The following METTL2A variants were observed in gnomAD, a reference collection of about 807,000 sequenced individuals.
METTL2A encodes tRNA N(3)-cytidine methyltransferase METTL2A.
METTL2A carries 45 observed loss-of-function variants against 49.4 expected under a neutral mutation model. The ratio of observed to expected loss-of-function variants is 0.91; its 90% CI spans 0.72 to 1.17. The LOEUF is 1.17. Among genes scored for constraint, METTL2A ranks in the 50% most tolerant of loss-of-function variants. The pLI, the probability that METTL2A is intolerant of heterozygous loss-of-function variation, is 0.00. For synonymous variants in METTL2A, 118 were observed against 167.5 expected (o/e 0.70, Z 2.28); for missense variants, 361 against 462.2 (o/e 0.78, Z 2.01).
rs1443633899 is a variant in METTL2A at position 62,450,936 on chromosome 17, A to G, written c.*2207A>G. The G allele has an allele frequency of 6.6e-6, 1 of 152,208 alleles. No homozygotes were observed. The highest frequency in any genetic ancestry group is 2.4e-5 in the African/African-American group (1 of 41,452). 9.4% of individuals were successfully genotyped at this position (152,208 alleles called of 1,614,324 possible). On this transcript the variant is annotated 3_prime_UTR_variant, in exon 9 of 9. Transcript: ENST00000311506. The stretch of plus-strand genomic sequence containing the variant: ...CATTTTTTTCTGATGTCCCAACATC[A>G]CCAAATGTATCCATCACAAGTAGGA...
intron 5 of METTL2A, among the ~76,000 whole-genome samples, chr17:62,437,339 G>A (rs1160390576): frequency 6.6e-6 from 1 of 151,866 alleles, no homozygotes; most frequent in Non-Finnish European, 1.5e-5. Flanking sequence ...AGAACCTAAG[G>A]GCACAAAATA....
At position 62,447,907 on chromosome 17, in the gene METTL2A, C is replaced by T. The variant is rs564670586; in HGVS notation, c.982+141C>T. On this transcript the variant is annotated intron_variant, in intron 8 of 8. Transcript: ENST00000311506. The stretch of plus-strand genomic sequence containing the variant: ...CCTGCGGTTCCCTGCTGCTCACACC[C>T]TCTTCCACCCTGGGCTAGGCTACCC... The T allele has an allele frequency of 5.4e-5, 82 of 1,531,790 alleles. No individual in the cohort carries two copies. In the African/African-American group the frequency reaches 9.2e-4, roughly 17 times the overall value. 94.9% of individuals were successfully genotyped at this position (1,531,790 alleles called of 1,614,324 possible). A position where few individuals can be genotyped will look rare whatever the true frequency, so the allele number is the denominator to read the frequency against.
chr17:62,444,863 G>T lies in METTL2A; in HGVS notation c.836G>T (p.Ser279Ile). 6.2e-7 allele frequency: 1 copy of T among 1,613,988 alleles called. No homozygotes were observed. The highest frequency in any genetic ancestry group is 8.5e-7 in the Non-Finnish European group (1 of 1,179,938). ...DKMQKAINRL[S>I]RLLKPGGMML... ...ATGCAGAAGGCTATCAACAGGCTGA[G>T]CAGGCTTCTGAAACCTGGCGGGATG... is the stretch of plus-strand genomic sequence containing the variant. The change falls in exon 7 of 9, where the codon AGC becomes ATC. Residue 279 changes from serine to isoleucine, a missense_variant. Ser to Ile is a moderately radical substitution (Grantham distance 142). Transcript: ENST00000311506.
chr17:62,439,029 A>G (rs2070720309), intron 5 of METTL2A, among the ~76,000 whole-genome samples: 1 of 129,510 alleles, frequency 7.7e-6, no homozygotes, highest in South Asian at 2.5e-4. Context: ...CCCAGGCTGG[A>G]GTGCAGTGGC....
chr17:62,433,696 C>T (rs1431134934), intron 4 of METTL2A, among the ~76,000 whole-genome samples: 12 of 150,418 alleles, frequency 8.0e-5, no homozygotes, highest in Non-Finnish European at 1.2e-4. Context: ...GCTGAGATTG[C>T]GCCACTGTAC....
Position 62,444,899 on chromosome 17 carries a change from G to A in METTL2A, c.872G>A (p.Arg291Gln), listed in dbSNP as rs1469774140. ...AAACCTGGCGGGATGATGCTTCTGCGAGATTACGGCCGCTATGACATGGCT... is the reference window on the plus strand; with the variant it reads ...AAACCTGGCGGGATGATGCTTCTGCAAGATTACGGCCGCTATGACATGGCT... ...LLKPGGMMLL[R>Q]DYGRYDMAQL... is the part of the protein sequence containing the mutation. Residue 291 changes from arginine to glutamine, a missense_variant, in exon 7 of 9, where the codon CGA (arginine) becomes CAA (glutamine). Physicochemically the swap from Arg to Gln is conservative, Grantham distance 43. This residue lies in a region of METTL2A where 183 missense variants were observed against 216.5 expected (regional missense o/e 0.85). Transcript: ENST00000311506. 5.6e-6 allele frequency: 9 copies of A among 1,613,882 alleles called. No individual in the cohort carries two copies. Among genetic ancestry groups the A allele is most frequent in the Admixed American group, 1.7e-5 (1 of 59,958 alleles).
In METTL2A at chr17:62,440,845, G is replaced by C. The variant is rs139172395; in HGVS notation, c.809+89G>C. 2.9e-4 allele frequency: 443 copies of C among 1,513,782 alleles called. 1 individual carries two copies. The African/African-American group carries it at 5.4e-3, about 19-fold the overall frequency. 93.8% of individuals were successfully genotyped at this position (1,513,782 alleles called of 1,614,324 possible). A position where few individuals can be genotyped will look rare whatever the true frequency, so the allele number is the denominator to read the frequency against. On this transcript the variant is annotated intron_variant, in intron 6 of 8. Transcript: ENST00000311506. ...TTTAAAATAGGTTCTTGCTCTGTCA[G>C]CCCAGGCTGGAGTGCAGTGGCACGA...
intron 2 of METTL2A, among the ~76,000 whole-genome samples, chr17:62,425,442 A>C (rs2144133019): frequency 7.2e-6 from 1 of 139,644 alleles, no homozygotes; most frequent in African/African-American, 2.7e-5. Flanking sequence ...GCTGGAGTGC[A>C]GTGGCACGAT....
Position 62,425,389 on chromosome 17 carries a change from C to CT in METTL2A, c.203-895dup, listed in dbSNP as rs746253160. On this transcript the variant is annotated intron_variant, in intron 2 of 8. Coordinates refer to ENST00000311506, the MANE Select transcript of METTL2A (RefSeq NM_181725.4). ...ACAGCCTTCATTTAAACTGTCCATA[C>CT]TTTTTTTTTTTTTTTGGAGATGGAG... 9.7e-4 allele frequency among the ~76,000 whole-genome samples: 76 copies of CT among 78,216 alleles called. 5 individuals carry two copies. The South Asian group carries it at 0.021, about 21-fold the overall frequency. 51.3% of individuals were successfully genotyped at this position (78,216 alleles called of 152,430 possible).
chr17:62,446,379 C>T lies in METTL2A; in HGVS notation c.917-1322C>T, dbSNP rs1228914773. On this transcript the variant is annotated intron_variant, in intron 7 of 8. Transcript: ENST00000311506. ...AGGCTGGAGTGCAATGGCACGATCTCGGCTCACTGCAACCTCTGTCTCTTG... is the reference window on the plus strand; with the variant it reads ...AGGCTGGAGTGCAATGGCACGATCTTGGCTCACTGCAACCTCTGTCTCTTG... 2.6e-5 allele frequency among the ~76,000 whole-genome samples: 4 copies of T among 152,008 alleles called. No individual in the cohort carries two copies. The South Asian group carries it at 6.2e-4, about 24-fold the overall frequency.
rs772970941 is a variant in METTL2A, at chr17:62,448,705, G to A, written c.1113G>A (p.Lys371=). The change falls in exon 9 of 9, where the codon AAG becomes AAA. Residue 371 remains lysine (K), a synonymous_variant. Transcript: ENST00000311506. ...TTTGGATTCAGTGCAAATACTGCAA[G>A]CCCCTTCTGTCCAGCACCAGCTGAG... The part of the protein sequence containing the change: ...YRVWIQCKYC[K]PLLSSTS 2.5e-6 allele frequency: 4 copies of A among 1,614,056 alleles called. No individual in the cohort carries two copies. Among genetic ancestry groups the A allele is most frequent in the African/African-American group, 2.7e-5 (2 of 74,920 alleles).
At chr17:62,435,533 C>T (rs2070694978) in intron 5 of METTL2A, among the ~76,000 whole-genome samples, 1 of 152,194 alleles carries the variant, frequency 6.6e-6, no homozygotes, top group Non-Finnish European at 1.5e-5. Flanking sequence ...AGCAAGCCTA[C>T]CGGTGCCATT....
intron 4 of METTL2A, chr17:62,434,953 G>A (rs2070690801): frequency 2.3e-6 from 1 of 433,242 alleles, no homozygotes; most frequent in Non-Finnish European, 4.2e-6. Context: ...TCATTTGAGG[G>A]AAAAGTAGGA....
chr17:62,438,664 T>G (rs1289354808), intron 5 of METTL2A, among the ~76,000 whole-genome samples: 2 of 151,386 alleles, frequency 1.3e-5, no homozygotes, highest in East Asian at 3.9e-4. Flanking sequence ...CTTTTAGAAT[T>G]ATTATTCAGT....
intron 7 of METTL2A, among the ~76,000 whole-genome samples, chr17:62,445,165 G>GGAT (rs2070760986): frequency 6.6e-6 from 1 of 151,848 alleles, no homozygotes; most frequent in Admixed American, 6.6e-5. Context: ...GCTGGGAGAG[G>GGAT]GATAGCATTA....
rs1331327123 is a variant in METTL2A at position 62,449,187 on chromosome 17, A to G, written c.*458A>G. 3.8e-6 allele frequency: 1 copy of G among 266,486 alleles called. No homozygotes were observed. The highest frequency in any genetic ancestry group is 5.2e-5 in the Admixed American group (1 of 19,196). 16.5% of individuals were successfully genotyped at this position (266,486 alleles called of 1,614,324 possible). A position where few individuals can be genotyped will look rare whatever the true frequency, so the allele number is the denominator to read the frequency against. On this transcript the variant is annotated 3_prime_UTR_variant, in exon 9 of 9. Transcript: ENST00000311506. ...TTATTTCCATGTGAAAAAGTGTTACATATGACAAGTGTTTTTTGACTGTAA... is the reference window on the plus strand; with the variant it reads ...TTATTTCCATGTGAAAAAGTGTTACGTATGACAAGTGTTTTTTGACTGTAA...
At chr17:62,447,617 T>C in intron 7 of METTL2A, 84 bp from the exon 8 acceptor site, 2 of 1,502,728 alleles carry the variant, frequency 1.3e-6, no homozygotes, top group Non-Finnish European at 1.8e-6. Context: ...CCCAACAAAC[T>C]GACCTCCCAG....
chr17:62,437,415 A>G (rs1446565603), intron 5 of METTL2A, among the ~76,000 whole-genome samples: 2 of 152,072 alleles, frequency 1.3e-5, no homozygotes, highest in African/African-American at 2.4e-5. Flanking sequence ...CCCTCTTTGC[A>G]TACCAGTTTT....
At position 62,449,501 on chromosome 17, in the gene METTL2A, A is replaced by G. The variant is rs1203321468; in HGVS notation, c.*772A>G. 1.5e-5 allele frequency: 6 copies of G among 401,514 alleles called. No homozygotes were observed. Among genetic ancestry groups the G allele is most frequent in the Non-Finnish European group, 2.4e-5 (5 of 207,680 alleles). 24.9% of individuals were successfully genotyped at this position (401,514 alleles called of 1,614,324 possible). On this transcript the variant is annotated 3_prime_UTR_variant, in exon 9 of 9. Coordinates refer to ENST00000311506, the MANE Select transcript of METTL2A (RefSeq NM_181725.4). ...CAAGGCGGGCGGATCAGCTGAGGTC[A>G]GGAGTTGGAGACCAGCGTGGCCAAC...
Sources: allele counts gnomAD v4.1 joint callset (sites outside exome capture counted in the v4.1 genomes callset), GRCh38; gene constraint gnomAD v4.1.1; regional missense constraint gnomAD v4.1.1; transcripts MANE v1.5; gene names NCBI Gene and HGNC (gene_info 2026-07-23, HGNC 2026-07-21).